The following HMCN1 variants were observed in gnomAD, a reference collection of about 807,000 sequenced individuals.
The protein encoded by HMCN1 is hemicentin-1.
A neutral mutation model predicts 625.9 loss-of-function variants in HMCN1; 321 were observed. The observed-to-expected ratio is 0.51, with a 90% confidence interval of 0.47 to 0.56. The LOEUF (loss-of-function observed/expected upper bound fraction) is 0.56, where lower values mean the gene tolerates loss of function less well. HMCN1 is among the 20% of genes least tolerant of loss of function. The pLI is 0.00. For synonymous variants in HMCN1, 2,425 were observed against 2,417.6 expected, an observed-to-expected ratio of 1.00 and a Z score of -0.09; for missense variants, 6,588 against 6,887.3, an observed-to-expected ratio of 0.96 and a Z score of 1.54.
intron 51 of HMCN1, 22 bp from the exon 52 acceptor site, chr1:186,070,590 C>G (rs373506904): frequency 2.9e-4 from 470 of 1,600,278 alleles, no homozygotes; most frequent in Non-Finnish European, 3.8e-4. Flanking sequence ...ATGTCTAACT[C>G]TTTAATATTT....
At chr1:186,053,584 C>G (rs1446163530) in intron 43 of HMCN1, among the ~76,000 whole-genome samples, 1 of 151,944 alleles carries the variant, frequency 6.6e-6, no homozygotes, top group Non-Finnish European at 1.5e-5. Flanking sequence ...CTGCGTTTGA[C>G]CAGATTTTCA....
At chr1:186,146,233 A>G (rs1650311442) in intron 93 of HMCN1, among the ~76,000 whole-genome samples, 1 of 152,140 alleles carries the variant, frequency 6.6e-6, no homozygotes, top group Admixed American at 6.5e-5. Context: ...GTGGCTAAAT[A>G]TCTAAAGAAA....
chr1:185,903,826 G>A (rs1398265993), intron 4 of HMCN1, among the ~76,000 whole-genome samples: 1 of 151,756 alleles, frequency 6.6e-6, no homozygotes, highest in Non-Finnish European at 1.5e-5. Context: ...CATCTACCAT[G>A]AGAAATCGAA....
Position 185,967,036 on chromosome 1 carries a change from C to G in HMCN1, c.2212+1121C>G, listed in dbSNP as rs898933536. Among the ~76,000 whole-genome samples the G allele has an allele frequency of 1.2e-4, 19 of 152,152 alleles. No individual in the cohort carries two copies. The South Asian group carries it at 3.3e-3, about 27-fold the overall frequency. ...TGTTGGTTAACATAAACTAATTTTA[C>G]TTTCTTAAAATACTTAAATTTTTGA... is the stretch of plus-strand genomic sequence containing the variant. On this transcript the variant is annotated intron_variant, in intron 14 of 106. Transcript: ENST00000271588.
chr1:186,057,546 A>C (rs1657420425), intron 46 of HMCN1, 145 bp downstream of exon 46: 3 of 639,576 alleles, frequency 4.7e-6, no homozygotes, highest in Admixed American at 2.8e-5. Flanking sequence ...TTAAGAAAAA[A>C]TATTTAAAAG....
chr1:185,955,244 A>G (rs564049847), intron 11 of HMCN1, among the ~76,000 whole-genome samples: 103 of 152,252 alleles, frequency 6.8e-4, no homozygotes, highest in Admixed American at 1.2e-3. Context: ...TTAACTGTTC[A>G]TTCATTGAAA....
chr1:186,137,329 A>C (rs957906033), intron 87 of HMCN1, among the ~76,000 whole-genome samples, 169 bp from the exon 88 acceptor site: 7 of 152,182 alleles, frequency 4.6e-5, no homozygotes, highest in African/African-American at 1.7e-4. Context: ...GGCTAACTGA[A>C]GTTCTTCTCT....
intron 54 of HMCN1, among the ~76,000 whole-genome samples, chr1:186,077,280 T>C (rs1466395498): frequency 6.6e-6 from 1 of 152,176 alleles, no homozygotes; most frequent in Admixed American, 6.5e-5. Context: ...CTGTCTAATA[T>C]GTGATCCTAA....
chr1:186,161,915 A>G (rs1411211550), intron 97 of HMCN1, among the ~76,000 whole-genome samples: 1 of 152,196 alleles, frequency 6.6e-6, no homozygotes, highest in Non-Finnish European at 1.5e-5. Context: ...GCTCTTCTCA[A>G]GGAGTATCTT....
Position 185,998,076 on chromosome 1 carries a change from T to C in HMCN1, c.3874+552T>C, listed in dbSNP as rs894177317. Reference sequence around the variant, plus strand: ...TCCTACCATGTTTTCTGCCAGGAGATTGATATTATTTCTCCTCAGGGGAAT... The same window carrying C: ...TCCTACCATGTTTTCTGCCAGGAGACTGATATTATTTCTCCTCAGGGGAAT... On this transcript the variant is annotated intron_variant, in intron 25 of 106. Transcript: ENST00000271588. Among the ~76,000 whole-genome samples the C allele has an allele frequency of 3.9e-5, 6 of 152,254 alleles. No individual in the cohort carries two copies. In the South Asian group the frequency reaches 6.2e-4, roughly 16 times the overall value.
Position 185,858,586 on chromosome 1 carries a change from A to AT in HMCN1, c.340-5837dup, listed in dbSNP as rs71101980. Among the ~76,000 whole-genome samples the AT allele has an allele frequency of 1.7e-4, 6 of 34,746 alleles. 1 individual carries two copies. The highest frequency in any genetic ancestry group is 6.6e-4 in the African/African-American group (6 of 9,106). The allele number at this position is 34,746 out of a possible 152,430, so 22.8% of individuals were successfully genotyped here. On this transcript the variant is annotated intron_variant, in intron 2 of 106. Coordinates refer to ENST00000271588, the MANE Select transcript of HMCN1 (RefSeq NM_031935.3). The stretch of plus-strand genomic sequence containing the variant: ...GCCTATATGCCACCACACCCAGCTA[A>AT]TTTTTTTTTTTTTTTTTTTTTTTTT...
intron 64 of HMCN1, among the ~76,000 whole-genome samples, chr1:186,091,191 T>TGGGCTTTAGCA: frequency 2.0e-5 from 3 of 152,044 alleles, no homozygotes; most frequent in Admixed American, 2.0e-4. Context: ...AACTGTAATG[T>TGGGCTTTAGCA]TAACTGTTGG....
In HMCN1 at chr1:186,112,961, A is replaced by C. The variant is rs751444576; in HGVS notation, c.11131+8A>C. On this transcript the variant is annotated splice_region_variant and intron_variant, in intron 72 of 106. Coordinates refer to ENST00000271588, the MANE Select transcript of HMCN1 (RefSeq NM_031935.3). ...TTATTCTCACTGTAAATGGTAAGAAAAGGTATTCATTGTTCCACAATTTAA... is the reference window on the plus strand; with the variant it reads ...TTATTCTCACTGTAAATGGTAAGAACAGGTATTCATTGTTCCACAATTTAA... 1 of 1,613,808 alleles carries C rather than the reference A, an allele frequency of 6.2e-7. No individual in the cohort carries two copies.
At chr1:186,117,374 AAG>A in intron 76 of HMCN1, 83 bp from the exon 77 acceptor site, 1 of 1,479,902 alleles carries the variant, frequency 6.8e-7, no homozygotes, top group East Asian at 2.3e-5. Flanking sequence ...TCAGAGCAAA[AAG>A]AGGATGTATG....
chr1:185,905,372 C>T (rs1666039140), intron 4 of HMCN1, among the ~76,000 whole-genome samples: 1 of 151,548 alleles, frequency 6.6e-6, no homozygotes, highest in African/African-American at 2.4e-5. Flanking sequence ...GGTGTCTGCC[C>T]TCATAGAACT....
At chr1:186,058,398 A>G (rs1218045896) in intron 46 of HMCN1, among the ~76,000 whole-genome samples, 1 of 151,998 alleles carries the variant, frequency 6.6e-6, no homozygotes, top group East Asian at 1.9e-4. Context: ...CGTGTGCACT[A>G]TAAACTTAGC....
intron 25 of HMCN1, among the ~76,000 whole-genome samples, chr1:185,999,016 G>A (rs530712085): frequency 1.3e-5 from 2 of 151,986 alleles, no homozygotes; most frequent in South Asian, 2.1e-4. Flanking sequence ...CAATTAAATA[G>A]GTCAATCTTT....
chr1:185,903,441 C>A (rs976472460), intron 4 of HMCN1, among the ~76,000 whole-genome samples: 10 of 151,612 alleles, frequency 6.6e-5, no homozygotes. Flanking sequence ...AATTTTAGTT[C>A]CAGCAGAAAG....
In HMCN1 at chr1:186,144,536, A is replaced by G. The variant is rs562590492; in HGVS notation, c.14099A>G (p.His4700Arg). The G allele has an allele frequency of 1.9e-6, 3 of 1,614,100 alleles. No individual in the cohort carries two copies. Among genetic ancestry groups the G allele is most frequent in the Admixed American group, 3.3e-5 (2 of 60,012 alleles). The change falls in exon 91 of 107, where the codon CAT (histidine) becomes CGT (arginine). Residue 4700 changes from histidine (H) to arginine (R), a missense_variant. By Grantham distance (29) the His-to-Arg change is conservative. This residue lies in a region of HMCN1 where 1,954 missense variants were observed against 2,013.1 expected (regional missense o/e 0.97). Transcript: ENST00000271588. ...GTACCTTTTTCCCTTATTCCAGTTC[A>G]TGGCAAGTGGGCGACTTGGGCCAGT... is the stretch of plus-strand genomic sequence containing the variant. ...QVCNERNCPI[H>R]GKWATWASWS...
Sources: allele counts gnomAD v4.1 joint callset (sites outside exome capture counted in the v4.1 genomes callset), GRCh38; gene constraint gnomAD v4.1.1; regional missense constraint gnomAD v4.1.1; transcripts MANE v1.5; gene names NCBI Gene and HGNC (gene_info 2026-07-23, HGNC 2026-07-21).